Variants in GSE1 observed in about 807,000 individuals in gnomAD.
The protein encoded by GSE1 is genetic suppressor element 1.
Under a neutral mutation model 112.6 loss-of-function variants are expected in GSE1, and 32 were observed. The observed-to-expected ratio is 0.28, with a 90% CI of 0.21 to 0.38. The LOEUF (loss-of-function observed/expected upper bound fraction) is 0.38, where lower values mean the gene tolerates loss of function less well. Among genes scored for constraint, GSE1 ranks in the 10% least tolerant of loss-of-function variants. GSE1 has a pLI of 1.00. For missense variants in GSE1, 2,348 were observed against 1,699.2 expected (o/e 1.38, Z -6.71); for synonymous variants, 1,115 against 735.6 (o/e 1.52, Z -8.35).
At chr16:85,380,379 T>A (rs1017909240) in intron 2 of GSE1, among the ~76,000 whole-genome samples, 1 of 152,140 alleles carries the variant, frequency 6.6e-6, no homozygotes, top group Non-Finnish European at 1.5e-5. Context: ...ATTGTGGCAG[T>A]GCTAAAACCA....
At chr16:85,194,078 A>G (rs1340843694) in intron 1 of GSE1, among the ~76,000 whole-genome samples, 1 of 152,148 alleles carries the variant, frequency 6.6e-6, no homozygotes, top group Non-Finnish European at 1.5e-5. Context: ...TGCGGCCAGT[A>G]TGTGGCAGAG....
chr16:85,663,709 T>C (rs2052615390), intron 11 of GSE1, 95 bp downstream of exon 11: 24 of 1,254,330 alleles, frequency 1.9e-5, no homozygotes, highest in Non-Finnish European at 2.7e-5. Flanking sequence ...AGGCAGGATC[T>C]GCGATCACTG....
chr16:85,646,522 G>A (rs1206475649), intron 2 of GSE1, among the ~76,000 whole-genome samples: 5 of 152,218 alleles, frequency 3.3e-5, no homozygotes, highest in Non-Finnish European at 5.9e-5. Flanking sequence ...CCACCTCTGC[G>A]GCCTGCCTTG....
rs1357874779 is a variant in GSE1 at position 85,419,605 on chromosome 16, CAAAAAAAAAAAACA to C, written c.2464+61968_2464+61981del. 2.7e-5 allele frequency among the ~76,000 whole-genome samples: 4 copies of C among 145,522 alleles called. No individual in the cohort carries two copies. Among genetic ancestry groups the C allele is most frequent in the Admixed American group, 6.8e-5 (1 of 14,792 alleles). On this transcript the variant is annotated intron_variant, in intron 2 of 2. Coordinates refer to the GSE1 transcript ENST00000637419. The surrounding 1 kb of genome is among the most constrained non-coding windows in gnomAD (Gnocchi z 6.5). ...TGGGCAATAGAGCAAGGCTGTGTCT[CAAAAAAAAAAAACA>C]AAAAACAAAAAACAAAAAATAACAT...
At chr16:85,604,862 G>C (rs1174074461) in intron 1 of GSE1, among the ~76,000 whole-genome samples, 1 of 33,804 alleles carries the variant, frequency 3.0e-5, no homozygotes, top group South Asian at 1.5e-3. Context: ...CTGTCGCCCA[G>C]GCTGGAGTGC....
chr16:85,573,620 C>T (rs1038786539), intron 1 of GSE1, among the ~76,000 whole-genome samples: 1 of 152,106 alleles, frequency 6.6e-6, no homozygotes, highest in Admixed American at 6.5e-5. Context: ...TATCAAGTAG[C>T]GTATTTTATT....
At chr16:85,170,097 C>G in exon 1 of GSE1, 1 of 985,126 alleles carries the variant, frequency 1.0e-6, no homozygotes, top group Non-Finnish European at 1.2e-6. Flanking sequence ...CCGCGCGGGA[C>G]GCCGCCAGCC....
At chr16:85,515,211 T>A (rs2051887301) in intron 2 of GSE1, among the ~76,000 whole-genome samples, 1 of 152,260 alleles carries the variant, frequency 6.6e-6, no homozygotes, top group Admixed American at 6.5e-5. Flanking sequence ...AATCACAGTT[T>A]CCATCTGCGG....
intron 1 of GSE1, among the ~76,000 whole-genome samples, chr16:85,263,633 A>T (rs1907936699): frequency 6.7e-6 from 1 of 148,642 alleles, no homozygotes; most frequent in South Asian, 2.1e-4. Flanking sequence ...AGTGCAATGG[A>T]GTGATTTTGG....
At chr16:85,465,230 C>G (rs1013064447) in intron 2 of GSE1, among the ~76,000 whole-genome samples, 1 of 152,250 alleles carries the variant, frequency 6.6e-6, no homozygotes, top group African/African-American at 2.4e-5. Context: ...ATGGGCTGCC[C>G]CCGCCCACCT....
chr16:85,663,478 G>A lies in GSE1; in HGVS notation c.2508G>A (p.Arg836=), dbSNP rs760327621. ...CGCCCCCAACAATTCAGAGCAAGCG[G>A]CAGACGCCTTCACCGAGACTGGCGC... ...SPSPPTIQSK[R]QTPSPRLALS... The change falls in exon 11 of 16, where the codon CGG becomes CGA. Residue 836 remains arginine (R), a synonymous_variant. Transcript: ENST00000253458. 2 of 1,613,834 alleles carry A rather than the reference G, an allele frequency of 1.2e-6. No homozygotes were observed. The highest frequency in any genetic ancestry group is 4.5e-5 in the East Asian group (2 of 44,898).
At chr16:85,172,702 T>G (rs1398706212) in intron 1 of GSE1, among the ~76,000 whole-genome samples, 1 of 152,218 alleles carries the variant, frequency 6.6e-6, no homozygotes, top group African/African-American at 2.4e-5. Context: ...ATCAAACGCC[T>G]GTAGTGGCAG....
intron 2 of GSE1, among the ~76,000 whole-genome samples, chr16:85,393,361 C>G (rs1270003643): frequency 6.6e-6 from 1 of 152,194 alleles, no homozygotes; most frequent in Non-Finnish European, 1.5e-5. Context: ...AGGGGCCACA[C>G]CCTCTCAGGG....
chr16:85,461,363 TC>T (rs897188815), intron 2 of GSE1, among the ~76,000 whole-genome samples: 5 of 152,100 alleles, frequency 3.3e-5, no homozygotes, highest in African/African-American at 1.2e-4. Context: ...CAACCCCCAC[TC>T]CCCCTTTGAG....
At chr16:85,246,392 C>A (rs184037760) in intron 1 of GSE1, among the ~76,000 whole-genome samples, 1 of 116,006 alleles carries the variant, frequency 8.6e-6, no homozygotes, top group African/African-American at 3.6e-5. Context: ...CACACACACC[C>A]CACACGCTGT....
At chr16:85,490,480 G>A (rs957047792) in intron 2 of GSE1, 1 of 152,272 alleles carries the variant, frequency 6.6e-6, no homozygotes, top group African/African-American at 2.4e-5. Context: ...CCAGGCCCAG[G>A]GCATCGTAGC....
intron 2 of GSE1, among the ~76,000 whole-genome samples, chr16:85,502,893 C>T (rs1023407064): frequency 2.6e-5 from 4 of 152,216 alleles, no homozygotes; most frequent in African/African-American, 9.6e-5. Flanking sequence ...CTGCCTGTTC[C>T]AGGAGGCCAG....
intron 2 of GSE1, among the ~76,000 whole-genome samples, chr16:85,643,983 A>G (rs1187527507): frequency 6.6e-6 from 1 of 152,028 alleles, no homozygotes; most frequent in East Asian, 1.9e-4. Context: ...ACTGGAATCT[A>G]GATGGGAACA....
chr16:85,230,128 G>A (rs1294312574), intron 1 of GSE1, among the ~76,000 whole-genome samples: 1 of 152,254 alleles, frequency 6.6e-6, no homozygotes, highest in Non-Finnish European at 1.5e-5. Context: ...TGCACTGTAA[G>A]TGGTGCTGTC....
Sources: allele counts gnomAD v4.1 joint callset (sites outside exome capture counted in the v4.1 genomes callset), GRCh38; gene constraint gnomAD v4.1.1; non-coding constraint Gnocchi (gnomAD v3.1); transcripts MANE v1.5; gene names NCBI Gene and HGNC (gene_info 2026-07-23, HGNC 2026-07-21).